The following ATP8B1 variants were observed in gnomAD, a reference collection of about 807,000 sequenced individuals.
The protein encoded by ATP8B1 is phospholipid-transporting ATPase IC.
Under a neutral mutation model 149.9 loss-of-function variants are expected in ATP8B1, and 80 were observed. The observed-to-expected ratio is 0.53, with a 90% CI of 0.45 to 0.64. ATP8B1 has a LOEUF of 0.64. ATP8B1 is among the 30% of genes least tolerant of loss of function. The pLI, the probability that ATP8B1 is intolerant of heterozygous loss-of-function variation, is 0.00. For synonymous variants in ATP8B1, 536 were observed against 562.8 expected, an observed-to-expected ratio of 0.95 and a Z score of 0.67; for missense variants, 1,247 against 1,552.6, an observed-to-expected ratio of 0.80 and a Z score of 3.31.
chr18:57,761,076 T>TAAATA (rs1201257618), intron 1 of ATP8B1, among the ~76,000 whole-genome samples: 17 of 88,924 alleles, frequency 1.9e-4, no homozygotes, highest in East Asian at 7.9e-4. Flanking sequence ...TAAAATAAAA[T>TAAATA]AAATAAAATA....
intron 20 of ATP8B1, among the ~76,000 whole-genome samples, chr18:57,666,322 C>T (rs1910852606): frequency 6.6e-6 from 1 of 152,110 alleles, no homozygotes; most frequent in African/African-American, 2.4e-5. Flanking sequence ...ATTATCAGGC[C>T]TGCCCCACCT....
At position 57,692,007 on chromosome 18, in the gene ATP8B1, A is replaced by G. The variant is rs754524911; in HGVS notation, c.1030-10T>C. On this transcript the variant is annotated splice_polypyrimidine_tract_variant and intron_variant, in intron 11 of 27. Coordinates refer to ENST00000648908, the MANE Select transcript of ATP8B1 (RefSeq NM_001374385.1). ...TAAGAACAACAAAGATCTAGAAGAC[A>G]GAAAACATTTAAATGCATTCTGAAG... 8.1e-6 allele frequency: 13 copies of G among 1,608,434 alleles called. No homozygotes were observed. The highest frequency in any genetic ancestry group is 1.3e-5 in the African/African-American group (1 of 74,624).
chr18:57,732,337 A>ATATATG (rs1568044513), intron 1 of ATP8B1, among the ~76,000 whole-genome samples: 1 of 49,426 alleles, frequency 2.0e-5, no homozygotes, highest in African/African-American at 5.9e-5. Context: ...ATATGTGTGT[A>ATATATG]TATATATGTA....
At chr18:57,736,025 CATGTGT>C (rs2079851199) in intron 1 of ATP8B1, among the ~76,000 whole-genome samples, 1 of 114,860 alleles carries the variant, frequency 8.7e-6, no homozygotes, top group South Asian at 3.0e-4. Context: ...TCCCTGTGTT[CATGTGT>C]TCTCATTGTT....
chr18:57,656,792 G>T (rs1221822157), intron 22 of ATP8B1, among the ~76,000 whole-genome samples: 2 of 147,984 alleles, frequency 1.4e-5, no homozygotes, highest in African/African-American at 5.0e-5. Context: ...AGAGAAGAGT[G>T]GGGAGAGAAG....
chr18:57,716,839 T>A lies in ATP8B1; in HGVS notation c.182-10252A>T, dbSNP rs118052566. ...GCACTATAGACCAAATAGATATTTATAAAATATTTCATACAACAGCTGTAG... is the reference window on the plus strand; with the variant it reads ...GCACTATAGACCAAATAGATATTTAAAAAATATTTCATACAACAGCTGTAG... On this transcript the variant is annotated intron_variant, in intron 2 of 27. Coordinates refer to ENST00000648908, the MANE Select transcript of ATP8B1 (RefSeq NM_001374385.1). Among the ~76,000 whole-genome samples, 283 of 152,300 alleles carry A rather than the reference T, an allele frequency of 1.9e-3. 8 individuals are homozygous for A. In the East Asian group the frequency reaches 0.045, roughly 24 times the overall value.
chr18:57,675,054 G>C, intron 15 of ATP8B1, 32 bp from the exon 16 acceptor site: 1 of 1,609,892 alleles, frequency 6.2e-7, no homozygotes. Context: ...TCCCAGAAAA[G>C]CTGTAAAAAC....
intron 1 of ATP8B1, among the ~76,000 whole-genome samples, chr18:57,759,176 A>G (rs2080120664): frequency 8.6e-6 from 1 of 115,992 alleles, no homozygotes; most frequent in African/African-American, 3.0e-5. Flanking sequence ...AAAAAAAAAA[A>G]AAAAAAGAAA....
intron 15 of ATP8B1, 28 bp downstream of exon 15, chr18:57,684,008 A>G (rs754556081): frequency 1.5e-4 from 241 of 1,614,010 alleles, no homozygotes; most frequent in Non-Finnish European, 2.5e-5. Flanking sequence ...CTGGTCTCTA[A>G]TGCCTGAGAT....
chr18:57,787,540 T>A (rs1599239285), intron 1 of ATP8B1, among the ~76,000 whole-genome samples: 1 of 152,176 alleles, frequency 6.6e-6, no homozygotes, highest in East Asian at 1.9e-4. Context: ...ACACTGTGGG[T>A]GGAGCTCCAT....
At chr18:57,713,201 T>TTTCTTTCTTTCTTTCTTTCTTTCTTTCTA (rs1913794757) in intron 2 of ATP8B1, among the ~76,000 whole-genome samples, 1 of 70,972 alleles carries the variant, frequency 1.4e-5, no homozygotes, top group African/African-American at 4.8e-5. Context: ...CTTTCTTTCC[T>TTTCTTTCTTTCTTTCTTTCTTTCTTTCTA]TCCTTCCTTC....
chr18:57,690,333 AC>A (rs1912471722), intron 12 of ATP8B1, among the ~76,000 whole-genome samples: 1 of 152,166 alleles, frequency 6.6e-6, no homozygotes, highest in African/African-American at 2.4e-5. Flanking sequence ...AAGGCTGAGC[AC>A]CAGATCACAC....
At chr18:57,683,686 G>C (rs1185188604) in intron 15 of ATP8B1, among the ~76,000 whole-genome samples, 1 of 152,180 alleles carries the variant, frequency 6.6e-6, no homozygotes, top group Non-Finnish European at 1.5e-5. Context: ...GATAAAGCTT[G>C]ACTTTTCACT....
At chr18:57,670,897 C>T (rs367698914) in intron 17 of ATP8B1, among the ~76,000 whole-genome samples, 2 of 151,928 alleles carry the variant, frequency 1.3e-5, no homozygotes, top group East Asian at 1.9e-4. Context: ...TTAGTGGAGA[C>T]GGGGTTTCAC....
chr18:57,743,491 A>G (rs766472389), intron 1 of ATP8B1, among the ~76,000 whole-genome samples: 3 of 152,212 alleles, frequency 2.0e-5, no homozygotes, highest in South Asian at 2.1e-4. Context: ...ATGCTTCCCA[A>G]TGTATGCCGC....
chr18:57,797,223 T>A (rs2080523353), intron 1 of ATP8B1, among the ~76,000 whole-genome samples: 1 of 152,194 alleles, frequency 6.6e-6, no homozygotes, highest in Admixed American at 6.5e-5. Flanking sequence ...GTTAGAAAAC[T>A]GTTTTCAAAA....
At chr18:57,648,804 A>C in intron 27 of ATP8B1, 92 bp from the exon 28 acceptor site, 1 of 1,244,466 alleles carries the variant, frequency 8.0e-7, no homozygotes, top group Non-Finnish European at 1.1e-6. Context: ...ACACTGATGA[A>C]CTCCCCTGAC....
At position 57,654,967 on chromosome 18, in the gene ATP8B1, G is replaced by A. The variant is rs141535632; in HGVS notation, c.2931+227C>T. On this transcript the variant is annotated intron_variant, in intron 23 of 27. Coordinates refer to ENST00000648908, the MANE Select transcript of ATP8B1 (RefSeq NM_001374385.1). ...CTCCCAAAGTGCTGGGATTACAGGC[G>A]TGAGCCACCATGCCTGGCCAAATCC... Among the ~76,000 whole-genome samples, 8 of 151,578 alleles carry A rather than the reference G, an allele frequency of 5.3e-5. No individual in the cohort carries two copies. In the South Asian group the frequency reaches 6.3e-4, roughly 12 times the overall value.
Position 57,792,225 on chromosome 18 carries a change from G to T in ATP8B1, c.-26+10773C>A, listed in dbSNP as rs551193261. Among the ~76,000 whole-genome samples the T allele has an allele frequency of 8.5e-5, 13 of 152,048 alleles. 1 individual carries two copies. Among genetic ancestry groups the T allele is most frequent in the Non-Finnish European group, 1.9e-4 (13 of 68,030 alleles). On this transcript the variant is annotated intron_variant, in intron 1 of 27. Coordinates refer to ENST00000648908, the MANE Select transcript of ATP8B1 (RefSeq NM_001374385.1). ...GCTTTTTTTGAAGGATGTATTACGTGCACCAGTAGCTAGTGTGTTTGGCAA... is the reference window on the plus strand; with the variant it reads ...GCTTTTTTTGAAGGATGTATTACGTTCACCAGTAGCTAGTGTGTTTGGCAA...
Sources: allele counts gnomAD v4.1 joint callset (sites outside exome capture counted in the v4.1 genomes callset), GRCh38; gene constraint gnomAD v4.1.1; transcripts MANE v1.5; gene names NCBI Gene and HGNC (gene_info 2026-07-23, HGNC 2026-07-21).